KCTD18: variants seen among roughly 807,000 people sequenced by gnomAD.
KCTD18 encodes BTB/POZ domain-containing protein KCTD18.
A neutral mutation model predicts 30.4 loss-of-function variants in KCTD18; 22 were observed. The ratio of observed to expected loss-of-function variants is 0.72; its 90% confidence interval spans 0.52 to 1.03. The LOEUF is 1.03. Among genes scored for constraint, KCTD18 ranks in the 50% least tolerant of loss-of-function variants. The pLI is 0.00. For missense variants in KCTD18, 529 were observed against 547.6 expected, an observed-to-expected ratio of 0.97 and a Z score of 0.34; for synonymous variants, 186 against 209.0, an observed-to-expected ratio of 0.89 and a Z score of 0.95.
rs79328589 is a variant in KCTD18 at position 200,489,075 on chromosome 2, T to A, written c.*1025A>T. 2,975 of 152,720 alleles carry A rather than the reference T, an allele frequency of 0.019. 54 individuals carry two copies. Among genetic ancestry groups the A allele is most frequent in the East Asian group, 0.11 (574 of 5,184 alleles). 9.5% of individuals were successfully genotyped at this position (152,720 alleles called of 1,614,324 possible). On this transcript the variant is annotated 3_prime_UTR_variant, in exon 7 of 7. Coordinates refer to ENST00000359878, the MANE Select transcript of KCTD18 (RefSeq NM_152387.4). The stretch of plus-strand genomic sequence containing the variant: ...GCATTTGAATAAAAAGTACCCTGTT[T>A]TATGAGCTTATTTTTTAACATAGTG...
intron 6 of KCTD18, 110 bp from the exon 7 acceptor site, chr2:200,490,726 A>G: frequency 8.1e-7 from 1 of 1,235,482 alleles, no homozygotes; most frequent in South Asian, 1.6e-5. Context: ...TCAAGAATTA[A>G]AGAGTCAAGA....
chr2:200,508,423 C>T (rs766170698), intron 1 of KCTD18, among the ~76,000 whole-genome samples: 2 of 152,134 alleles, frequency 1.3e-5, no homozygotes, highest in Non-Finnish European at 2.9e-5. Flanking sequence ...TTTTTTAATC[C>T]ATTCTGGAGA....
At chr2:200,507,713 A>C (rs531689640) in intron 1 of KCTD18, among the ~76,000 whole-genome samples, 4 of 152,358 alleles carry the variant, frequency 2.6e-5, no homozygotes, top group Admixed American at 2.6e-4. Flanking sequence ...GGGACTTGAT[A>C]TTGACTCTGG....
intron 5 of KCTD18, among the ~76,000 whole-genome samples, chr2:200,494,899 A>T (rs1044476708): frequency 6.6e-6 from 1 of 152,208 alleles, no homozygotes; most frequent in Non-Finnish European, 1.5e-5. Context: ...TATAAATGGG[A>T]TCATACAAAA....
intron 3 of KCTD18, among the ~76,000 whole-genome samples, chr2:200,504,345 G>T (rs1220759087): frequency 6.6e-6 from 1 of 151,800 alleles, no homozygotes; most frequent in African/African-American, 2.4e-5. Context: ...TGTAGTCCCA[G>T]CTACTGGGGA....
In KCTD18 at chr2:200,489,717, A is replaced by C. The variant is rs1043109334; in HGVS notation, c.*383T>G. On this transcript the variant is annotated 3_prime_UTR_variant, in exon 7 of 7. Coordinates refer to ENST00000359878, the MANE Select transcript of KCTD18 (RefSeq NM_152387.4). Reference sequence around the variant, plus strand: ...TATCACCCCCTCCATTTTCCCAGACAGGAATACCTAAGGCCAAACCTCATG... The same window carrying C: ...TATCACCCCCTCCATTTTCCCAGACCGGAATACCTAAGGCCAAACCTCATG... 2 of 178,508 alleles carry C rather than the reference A, an allele frequency of 1.1e-5. No homozygotes were observed. The highest frequency in any genetic ancestry group is 2.3e-5 in the Non-Finnish European group (2 of 85,616). 11.1% of individuals were successfully genotyped at this position (178,508 alleles called of 1,614,324 possible).
In KCTD18 at chr2:200,490,634, T is replaced by C. The variant is rs922422319; in HGVS notation, c.765-18A>G. Reference sequence around the variant, plus strand: ...TCAGTCGCCTAGAAATACAGAAGCGTGTCATTTTCCACATGTATAGTTTTA... The same window carrying C: ...TCAGTCGCCTAGAAATACAGAAGCGCGTCATTTTCCACATGTATAGTTTTA... On this transcript the variant is annotated intron_variant, in intron 6 of 6. Transcript: ENST00000359878. The C allele has an allele frequency of 5.1e-6, 8 of 1,559,410 alleles. No homozygotes were observed. The highest frequency in any genetic ancestry group is 1.8e-5 in the Admixed American group (1 of 54,836).
chr2:200,499,970 T>C (rs1423220896), intron 3 of KCTD18, among the ~76,000 whole-genome samples: 1 of 151,862 alleles, frequency 6.6e-6, no homozygotes, highest in African/African-American at 2.4e-5. Context: ...GCAAGGCTGG[T>C]TCAATATATG....
At chr2:200,508,948 A>G (rs948897676) in intron 1 of KCTD18, among the ~76,000 whole-genome samples, 19 of 152,176 alleles carry the variant, frequency 1.2e-4, no homozygotes, top group Admixed American at 9.8e-4. Flanking sequence ...CTGCCCCCCA[A>G]GTTAGAATCC....
intron 5 of KCTD18, chr2:200,497,351 G>C (rs1292509340): frequency 6.0e-6 from 1 of 165,706 alleles, no homozygotes; most frequent in African/African-American, 2.4e-5. Context: ...AGTTTTCAAA[G>C]TGTACATTTA....
At position 200,493,278 on chromosome 2, in the gene KCTD18, G is replaced by A; in HGVS notation, c.662-4C>T. On this transcript the variant is annotated splice_region_variant and splice_polypyrimidine_tract_variant and intron_variant, in intron 5 of 6. Coordinates refer to ENST00000359878, the MANE Select transcript of KCTD18 (RefSeq NM_152387.4). The stretch of plus-strand genomic sequence containing the variant: ...GGCACCCGCCAGTAGCTAACACCTG[G>A]AAGGTAAAAAGACATAATTAAGACA... The A allele has an allele frequency of 6.4e-7, 1 of 1,559,150 alleles. No homozygotes were observed. Among genetic ancestry groups the A allele is most frequent in the Non-Finnish European group, 8.9e-7 (1 of 1,129,878 alleles).
At chr2:200,492,148 A>G (rs902528648) in intron 6 of KCTD18, among the ~76,000 whole-genome samples, 1 of 152,066 alleles carries the variant, frequency 6.6e-6, no homozygotes, top group Non-Finnish European at 1.5e-5. Flanking sequence ...ATCTTCCACC[A>G]GACTCCACAC....
Position 200,504,893 on chromosome 2 carries a change from ACTT to A in KCTD18, c.224_226del (p.Glu75del), listed in dbSNP as rs777001870. 3 of 1,614,156 alleles carry A rather than the reference ACTT, an allele frequency of 1.9e-6. No individual in the cohort carries two copies. The highest frequency in any genetic ancestry group is 8.5e-7 in the Non-Finnish European group (1 of 1,180,024). ...GGTTTGCTCATCTGTGGGAATCTGA[ACTT>A]CTCCATGAAGGTAATCCAAAAGGTA... On this transcript the variant is annotated inframe_deletion, in exon 3 of 7. Transcript: ENST00000359878.
At chr2:200,507,117 C>T (rs1041083920) in intron 1 of KCTD18, 26 bp from the exon 2 acceptor site, 11 of 860,172 alleles carry the variant, frequency 1.3e-5, no homozygotes, top group East Asian at 7.7e-5. Context: ...CAGTCATCCC[C>T]GCCATTTCCA....
chr2:200,497,323 AG>A (rs761120642), intron 5 of KCTD18: 4 of 163,732 alleles, frequency 2.4e-5, no homozygotes, highest in Non-Finnish European at 5.3e-5. Flanking sequence ...CTCACTCTGT[AG>A]TTTGAGAAAA....
chr2:200,502,955 G>A (rs1047759974), intron 3 of KCTD18, among the ~76,000 whole-genome samples: 8 of 151,864 alleles, frequency 5.3e-5, no homozygotes, highest in Admixed American at 3.3e-4. Flanking sequence ...ACTTGAACCC[G>A]GGAGGTAGAG....
At chr2:200,503,314 A>G (rs1006492698) in intron 3 of KCTD18, among the ~76,000 whole-genome samples, 1 of 152,154 alleles carries the variant, frequency 6.6e-6, no homozygotes, top group Admixed American at 6.5e-5. Flanking sequence ...TTGCTATCTA[A>G]CTCCTATATT....
intron 3 of KCTD18, among the ~76,000 whole-genome samples, chr2:200,504,360 G>A (rs2030040806): frequency 6.6e-6 from 1 of 151,582 alleles, no homozygotes; most frequent in Non-Finnish European, 1.5e-5. Context: ...TGGGGAGGCT[G>A]AGGCAGGAGA....
chr2:200,500,032 C>T (rs1005509037), intron 3 of KCTD18, among the ~76,000 whole-genome samples: 8 of 152,112 alleles, frequency 5.3e-5, no homozygotes, highest in African/African-American at 1.9e-4. Context: ...GCAAAAACCA[C>T]ATGATTATCT....
Sources: gnomAD v4.1 joint callset for allele counts (sites outside exome capture counted in the v4.1 genomes callset) on GRCh38, gnomAD v4.1.1 for gene constraint, MANE v1.5 for transcripts, NCBI Gene and HGNC (gene_info 2026-07-23, HGNC 2026-07-21) for gene names.